The following ANO10 variants were observed in gnomAD, a reference collection of about 807,000 sequenced individuals.
ANO10 encodes the protein anoctamin 10, also known as anoctamin-10.
A neutral mutation model predicts 74.7 loss-of-function variants in ANO10; 77 were observed. That is an observed-to-expected ratio of 1.03 (90% CI 0.86 to 1.25). ANO10 has a LOEUF of 1.25. Ranked by LOEUF, ANO10 falls within the 50% of genes most tolerant of loss-of-function variation. The pLI is 0.00. For synonymous variants in ANO10, 279 were observed against 284.9 expected, an observed-to-expected ratio of 0.98 and a Z score of 0.21; for missense variants, 721 against 778.1, an observed-to-expected ratio of 0.93 and a Z score of 0.87.
At chr3:43,691,112 C>A (rs2084368973) in intron 1 of ANO10, 7 of 1,391,342 alleles carry the variant, frequency 5.0e-6, no homozygotes, top group Middle Eastern at 2.0e-4. Context: ...TAGGGCCCAG[C>A]GGGCAGCACC....
chr3:43,517,241 C>T (rs576864775), intron 11 of ANO10, among the ~76,000 whole-genome samples: 1 of 152,036 alleles, frequency 6.6e-6, no homozygotes, highest in East Asian at 1.9e-4. Flanking sequence ...ACATTTGTAA[C>T]CTAAAGCAAA....
chr3:43,554,640 T>C (rs886782696), intron 10 of ANO10, among the ~76,000 whole-genome samples: 19 of 152,082 alleles, frequency 1.2e-4, no homozygotes, highest in Non-Finnish European at 2.5e-4. Context: ...CAGGTAGAGG[T>C]AGAAGTCCAG....
intron 11 of ANO10, among the ~76,000 whole-genome samples, chr3:43,537,797 ATTAG>A (rs2078781474): frequency 6.6e-6 from 1 of 152,186 alleles, no homozygotes; most frequent in Non-Finnish European, 1.5e-5. Context: ...AACACATTTT[ATTAG>A]TTAGGAGGAA....
chr3:43,454,613 G>A (rs1055715101), intron 11 of ANO10, among the ~76,000 whole-genome samples: 3 of 152,056 alleles, frequency 2.0e-5, no homozygotes, highest in Non-Finnish European at 2.9e-5. Context: ...AGAAAGGCAG[G>A]AGGAAAAGCA....
chr3:43,668,941 G>A (rs2084023766), intron 1 of ANO10, among the ~76,000 whole-genome samples: 2 of 151,912 alleles, frequency 1.3e-5, no homozygotes, highest in Admixed American at 6.6e-5. Context: ...TATCTTCTAA[G>A]CATATCAATT....
rs572214261 is a variant in ANO10 at position 43,473,926 on chromosome 3, G to A, written c.1798-41199C>T. Among the ~76,000 whole-genome samples the A allele has an allele frequency of 2.6e-5, 4 of 152,302 alleles. No homozygotes were observed. In the South Asian group the frequency reaches 8.3e-4, roughly 32 times the overall value. On this transcript the variant is annotated intron_variant, in intron 11 of 12. Coordinates refer to ENST00000292246, the MANE Select transcript of ANO10 (RefSeq NM_018075.5). ...GCCTGGTGATGACAGTGAGAGTGCA[G>A]CCCAAGTGACAACACAGCTGGGCTG...
intron 1 of ANO10, among the ~76,000 whole-genome samples, chr3:43,670,358 T>TA (rs1294176419): frequency 9.7e-6 from 1 of 103,564 alleles, no homozygotes; most frequent in Non-Finnish European, 2.1e-5. Context: ...ATAAATAAAA[T>TA]AATAAATCTG....
intron 1 of ANO10, among the ~76,000 whole-genome samples, chr3:43,665,305 G>A (rs780616997): frequency 1.1e-4 from 17 of 152,008 alleles, no homozygotes; most frequent in Non-Finnish European, 7.4e-5. Context: ...GTTCTTACTC[G>A]TAAGGGGGAG....
At chr3:43,429,858 A>C (rs982183964) in intron 12 of ANO10, among the ~76,000 whole-genome samples, 1 of 152,140 alleles carries the variant, frequency 6.6e-6, no homozygotes, top group East Asian at 1.9e-4. Context: ...AAAATGTTTC[A>C]ATGACTAAAT....
At chr3:43,411,834 G>A (rs939372687) in intron 12 of ANO10, among the ~76,000 whole-genome samples, 6 of 152,126 alleles carry the variant, frequency 3.9e-5, no homozygotes, top group Middle Eastern at 3.4e-3. Flanking sequence ...GAATAGCTGT[G>A]TGCTAACCAA....
chr3:43,635,538 T>C (rs2083599267), intron 1 of ANO10, among the ~76,000 whole-genome samples: 1 of 152,178 alleles, frequency 6.6e-6, no homozygotes, highest in Non-Finnish European at 1.5e-5. Flanking sequence ...AAATAGACAA[T>C]GGTAATGTTT....
intron 11 of ANO10, among the ~76,000 whole-genome samples, chr3:43,518,579 C>A (rs190388286): frequency 1.5e-3 from 222 of 152,224 alleles, no homozygotes; most frequent in Non-Finnish European, 2.6e-3. Flanking sequence ...CTTACAAAAG[C>A]AAATAGGAGA....
At chr3:43,388,131 C>T (rs1575631858) in intron 12 of ANO10, among the ~76,000 whole-genome samples, 1 of 152,146 alleles carries the variant, frequency 6.6e-6, no homozygotes, top group East Asian at 1.9e-4. Flanking sequence ...CTGGTGTGAT[C>T]AGAACACAGG....
rs184154331 is a variant in ANO10 at position 43,469,838 on chromosome 3, C to T, written c.1798-37111G>A. ...ACAAACATATATTTTAAATATAATC[C>T]AGCTCTTTCTTAGATAGACAGGAAG... On this transcript the variant is annotated intron_variant, in intron 11 of 12. Coordinates refer to ENST00000292246, the MANE Select transcript of ANO10 (RefSeq NM_018075.5). Among the ~76,000 whole-genome samples, 8 of 152,130 alleles carry T rather than the reference C, an allele frequency of 5.3e-5. No individual in the cohort carries two copies. In the East Asian group the frequency reaches 1.5e-3, roughly 29 times the overall value.
At chr3:43,462,687 G>A (rs1024460293) in intron 11 of ANO10, among the ~76,000 whole-genome samples, 1 of 152,230 alleles carries the variant, frequency 6.6e-6, no homozygotes, top group Non-Finnish European at 1.5e-5. Context: ...TAATCCCCAA[G>A]ACAATGGTGA....
At chr3:43,615,932 T>C (rs549329843) in intron 1 of ANO10, among the ~76,000 whole-genome samples, 183 of 152,218 alleles carry the variant, frequency 1.2e-3, no homozygotes, top group African/African-American at 4.1e-3. Context: ...GGATTACAGG[T>C]GTGAGCCACC....
Position 43,405,852 on chromosome 3 carries a change from A to G in ANO10, c.1914+26759T>C, listed in dbSNP as rs112431625. Among the ~76,000 whole-genome samples, 104 of 152,274 alleles carry G rather than the reference A, an allele frequency of 6.8e-4. 2 individuals are homozygous for G. Among genetic ancestry groups the G allele is most frequent in the African/African-American group, 2.1e-3 (86 of 41,556 alleles). ...GCCTAATTATTGACAAATGAATCTC[A>G]TATTGCTAGATCTTTGTCTGCTCCT... is the stretch of plus-strand genomic sequence containing the variant. On this transcript the variant is annotated intron_variant, in intron 12 of 12. Transcript: ENST00000292246.
At chr3:43,528,025 A>G (rs2078285166) in intron 11 of ANO10, among the ~76,000 whole-genome samples, 2 of 152,166 alleles carry the variant, frequency 1.3e-5, no homozygotes, top group Admixed American at 1.3e-4. Flanking sequence ...TAAAGACACA[A>G]GAACAATACT....
intron 1 of ANO10, among the ~76,000 whole-genome samples, chr3:43,611,487 T>C (rs981025738): frequency 6.6e-6 from 1 of 152,246 alleles, no homozygotes; most frequent in Non-Finnish European, 1.5e-5. Flanking sequence ...GTCTAACTAT[T>C]AGAATTGATT....
Sources: gnomAD v4.1 joint callset for allele counts (sites outside exome capture counted in the v4.1 genomes callset) on GRCh38, gnomAD v4.1.1 for gene constraint, MANE v1.5 for transcripts, NCBI Gene and HGNC (gene_info 2026-07-23, HGNC 2026-07-21) for gene names.